The following EFNA5 variants were observed in gnomAD, a reference collection of about 807,000 sequenced individuals.
EFNA5 encodes the protein ephrin-A5.
A neutral mutation model predicts 22.9 loss-of-function variants in EFNA5; 5 were observed. The observed-to-expected ratio is 0.22, with a 90% confidence interval of 0.11 to 0.46. EFNA5 has a LOEUF of 0.46. EFNA5 is among the 20% of genes least tolerant of loss of function. EFNA5 has a pLI of 0.99. For missense variants in EFNA5, 237 were observed against 293.3 expected (o/e 0.81, Z 1.40); for synonymous variants, 113 against 112.2 (o/e 1.01, Z -0.04).
At chr5:107,431,664 G>C (rs926280173) in intron 1 of EFNA5, among the ~76,000 whole-genome samples, 1 of 152,136 alleles carries the variant, frequency 6.6e-6, no homozygotes, top group African/African-American at 2.4e-5. Flanking sequence ...TTTTGTGAGA[G>C]ATTAAATTGC....
chr5:107,647,709 C>T (rs1750654883), intron 1 of EFNA5, among the ~76,000 whole-genome samples: 1 of 152,126 alleles, frequency 6.6e-6, no homozygotes, highest in South Asian at 2.1e-4. Context: ...ATGGCTGCTG[C>T]TCACAAATCA....
chr5:107,425,414 T>C (rs1216157007), intron 2 of EFNA5, among the ~76,000 whole-genome samples: 2 of 152,202 alleles, frequency 1.3e-5, no homozygotes, highest in East Asian at 3.9e-4. Context: ...TACATTGGTA[T>C]AGTATTTTAC....
intron 1 of EFNA5, among the ~76,000 whole-genome samples, chr5:107,539,640 G>C (rs919974720): frequency 5.3e-5 from 8 of 152,038 alleles, no homozygotes; most frequent in African/African-American, 1.9e-4. Context: ...TGTATTTTTA[G>C]TAGAGACGGG....
intron 1 of EFNA5, among the ~76,000 whole-genome samples, chr5:107,462,036 T>G (rs1044648603): frequency 6.6e-6 from 1 of 152,164 alleles, no homozygotes; most frequent in African/African-American, 2.4e-5. Flanking sequence ...CTGCAACTCT[T>G]CAGAATGTTC....
At chr5:107,424,388 T>TA (rs1217451731) in intron 2 of EFNA5, among the ~76,000 whole-genome samples, 9 of 150,616 alleles carry the variant, frequency 6.0e-5, no homozygotes, top group Non-Finnish European at 8.9e-5. Flanking sequence ...TGTATTTTTT[T>TA]TTTTTTTTTA....
At chr5:107,481,185 T>G (rs1318452454) in intron 1 of EFNA5, among the ~76,000 whole-genome samples, 1 of 151,972 alleles carries the variant, frequency 6.6e-6, no homozygotes, top group Non-Finnish European at 1.5e-5. Flanking sequence ...CAACTGCAAA[T>G]GAGAAAAACC....
intron 1 of EFNA5, among the ~76,000 whole-genome samples, chr5:107,566,820 G>T (rs1337066003): frequency 6.6e-6 from 1 of 152,226 alleles, no homozygotes; most frequent in Non-Finnish European, 1.5e-5. Flanking sequence ...CTAAAGAACA[G>T]AATATTGTTC....
chr5:107,467,745 T>C (rs11954938), intron 1 of EFNA5, among the ~76,000 whole-genome samples: 9,302 of 152,206 alleles, frequency 0.061, 343 homozygotes, highest in East Asian at 0.15. Context: ...TGAGTGCTAA[T>C]GGCAGCGGAC....
intron 1 of EFNA5, among the ~76,000 whole-genome samples, chr5:107,514,896 G>A (rs904733572): frequency 2.0e-5 from 3 of 152,090 alleles, no homozygotes; most frequent in African/African-American, 7.2e-5. Context: ...TCCTTGATAA[G>A]GCTTTTCTTT....
chr5:107,518,612 C>T (rs535681446), intron 1 of EFNA5, among the ~76,000 whole-genome samples: 61 of 152,082 alleles, frequency 4.0e-4, no homozygotes, highest in Non-Finnish European at 7.2e-4. Flanking sequence ...ATTCTCAGGG[C>T]AAGAATCTTC....
At chr5:107,504,130 T>C (rs1747200306) in intron 1 of EFNA5, among the ~76,000 whole-genome samples, 1 of 152,134 alleles carries the variant, frequency 6.6e-6, no homozygotes, top group Admixed American at 6.5e-5. Context: ...AACTCTGCCA[T>C]GCAGAGAAGG....
chr5:107,432,223 T>C (rs1045278557), intron 1 of EFNA5, among the ~76,000 whole-genome samples: 10 of 152,226 alleles, frequency 6.6e-5, no homozygotes, highest in African/African-American at 1.7e-4. Context: ...TTTCACAGAA[T>C]AACATGTTGT....
chr5:107,401,805 G>A (rs974941056), intron 2 of EFNA5, among the ~76,000 whole-genome samples: 10 of 152,166 alleles, frequency 6.6e-5, no homozygotes, highest in African/African-American at 7.2e-5. Flanking sequence ...GCTTTCATTC[G>A]GGTGAAAAGA....
At chr5:107,415,901 T>G (rs774304152) in intron 2 of EFNA5, among the ~76,000 whole-genome samples, 2 of 152,218 alleles carry the variant, frequency 1.3e-5, no homozygotes, top group South Asian at 4.1e-4. Context: ...GAGCATCATG[T>G]TAACAAGCTG....
intron 1 of EFNA5, among the ~76,000 whole-genome samples, chr5:107,462,460 C>T (rs1450895213): frequency 1.3e-5 from 2 of 152,084 alleles, no homozygotes; most frequent in Non-Finnish European, 2.9e-5. Context: ...AGAATAAACA[C>T]CATAGTGCAG....
intron 1 of EFNA5, among the ~76,000 whole-genome samples, chr5:107,530,499 T>C (rs974404150): frequency 1.3e-5 from 2 of 152,216 alleles, no homozygotes; most frequent in South Asian, 4.1e-4. Flanking sequence ...GTAAGTTATC[T>C]CCACTACAGA....
chr5:107,617,229 C>CAT (rs1561450633), intron 1 of EFNA5, among the ~76,000 whole-genome samples: 1 of 148,202 alleles, frequency 6.7e-6, no homozygotes, highest in Non-Finnish European at 1.5e-5. Context: ...CACACACACA[C>CAT]ACACACACAG....
intron 1 of EFNA5, among the ~76,000 whole-genome samples, chr5:107,620,769 A>G (rs1034130649): frequency 6.6e-6 from 1 of 152,200 alleles, no homozygotes; most frequent in Non-Finnish European, 1.5e-5. Context: ...CTTACAGGCT[A>G]AAGGAAAAAA....
At chr5:107,407,656 A>G (rs887926015) in intron 2 of EFNA5, among the ~76,000 whole-genome samples, 6 of 152,224 alleles carry the variant, frequency 3.9e-5, no homozygotes, top group African/African-American at 1.4e-4. Context: ...TAAATGTTTA[A>G]TGAATTTACA....
Sources: gnomAD v4.1 joint callset for allele counts (sites outside exome capture counted in the v4.1 genomes callset) on GRCh38, gnomAD v4.1.1 for gene constraint, MANE v1.5 for transcripts, NCBI Gene and HGNC (gene_info 2026-07-23, HGNC 2026-07-21) for gene names.